The following KLRG1 variants were observed in gnomAD, a reference collection of about 807,000 sequenced individuals.
The protein encoded by KLRG1 is killer cell lectin like receptor G1, also known as killer cell lectin-like receptor subfamily G member 1.
In KLRG1, 16 loss-of-function variants were observed where a neutral mutation model predicts 21.8. The ratio of observed to expected loss-of-function variants is 0.73; its 90% confidence interval spans 0.50 to 1.11. The LOEUF is 1.11. Among genes scored for constraint, KLRG1 ranks in the 50% most tolerant of loss-of-function variants. The pLI is 0.00. For missense variants in KLRG1, 173 were observed against 218.3 expected (o/e 0.79, Z 1.31); for synonymous variants, 69 against 75.9 (o/e 0.91, Z 0.47).
At chr12:8,951,461 C>A (rs771377360) in intron 1 of KLRG1, among the ~76,000 whole-genome samples, 5 of 152,238 alleles carry the variant, frequency 3.3e-5, no homozygotes, top group South Asian at 4.1e-4. Context: ...AGAGTGAGAA[C>A]CTATCTCAAA....
the KLRG1 span, chr12:9,111,675 G>A: frequency 2.6e-6 from 1 of 381,356 alleles, no homozygotes; most frequent in Admixed American, 3.5e-5. Context: ...ATTTGGGAGA[G>A]AAAAATGAAG....
intron 1 of KLRG1, among the ~76,000 whole-genome samples, chr12:8,966,879 T>C (rs1946482083): frequency 6.7e-6 from 1 of 150,106 alleles, no homozygotes; most frequent in African/African-American, 2.4e-5. Flanking sequence ...TAAAGACACA[T>C]GCACACTTAT....
At chr12:8,991,586 A>G (rs961445948) in intron 1 of KLRG1, among the ~76,000 whole-genome samples, 6 of 152,092 alleles carry the variant, frequency 3.9e-5, no homozygotes, top group African/African-American at 1.4e-4. Flanking sequence ...TTGCAGAGAT[A>G]TTTGTATATC....
At chr12:9,200,270 T>C in the KLRG1 span, 1 of 775,444 alleles carries the variant, frequency 1.3e-6, no homozygotes, top group Middle Eastern at 2.7e-4. Flanking sequence ...ATTACAAAAG[T>C]GCTGAGGCAA....
chr12:9,008,903 T>C (rs1378573516), intron 3 of KLRG1, 72 bp from the exon 4 acceptor site: 2 of 962,376 alleles, frequency 2.1e-6, no homozygotes, highest in African/African-American at 3.3e-5. Flanking sequence ...GTATTAGGAA[T>C]CCAATGTGGA....
the KLRG1 span, among the ~76,000 whole-genome samples, chr12:9,184,027 A>G: frequency 6.6e-6 from 1 of 152,240 alleles, no homozygotes; most frequent in Non-Finnish European, 1.5e-5. Context: ...CAACAAGGAA[A>G]GTGGGGTAGA....
At chr12:9,091,165 G>T in the KLRG1 span, 1 of 1,595,142 alleles carries the variant, frequency 6.3e-7, no homozygotes. Flanking sequence ...TTACTTGATG[G>T]CTACCTTGTA....
chr12:8,975,151 C>T (rs1049694879), intron 1 of KLRG1, among the ~76,000 whole-genome samples: 2 of 152,074 alleles, frequency 1.3e-5, no homozygotes, highest in South Asian at 2.1e-4. Flanking sequence ...CTGCCTGCCT[C>T]GGCCTCCCAA....
the KLRG1 span, chr12:9,165,998 GGA>G: frequency 6.5e-7 from 1 of 1,546,380 alleles, no homozygotes; most frequent in South Asian, 1.2e-5. Context: ...TGAAAATGTT[GGA>G]GGAACCACAT....
At chr12:9,180,051 C>G in the KLRG1 span, among the ~76,000 whole-genome samples, 1 of 152,192 alleles carries the variant, frequency 6.6e-6, no homozygotes, top group East Asian at 1.9e-4. Context: ...CTATATGAGA[C>G]AGCTTGAGAA....
At chr12:8,995,334 G>GT (rs1565547959) in intron 3 of KLRG1, 46 bp downstream of exon 3, 14 of 1,540,466 alleles carry the variant, frequency 9.1e-6, no homozygotes, top group African/African-American at 1.4e-5. Context: ...TTTTGTTTTT[G>GT]TTTTTGTTTT....
chr12:9,178,477 C>T, the KLRG1 span, among the ~76,000 whole-genome samples: 2 of 152,006 alleles, frequency 1.3e-5, no homozygotes, highest in African/African-American at 4.8e-5. Flanking sequence ...AAAGAGAAGC[C>T]GTAAAGTGCT....
At chr12:9,127,117 T>C in the KLRG1 span, among the ~76,000 whole-genome samples, 1 of 152,228 alleles carries the variant, frequency 6.6e-6, no homozygotes, top group Admixed American at 6.5e-5. Context: ...TCTTCTCTGC[T>C]ATCTTTCCAA....
At chr12:9,132,178 A>G in the KLRG1 span, among the ~76,000 whole-genome samples, 2 of 152,230 alleles carry the variant, frequency 1.3e-5, no homozygotes, top group Admixed American at 6.5e-5. Context: ...TGAAAGATAA[A>G]ATGGGCCTTG....
At chr12:9,020,290 A>G in the KLRG1 span, among the ~76,000 whole-genome samples, 1 of 152,184 alleles carries the variant, frequency 6.6e-6, no homozygotes. Flanking sequence ...GTAAAATTTG[A>G]TAAGTTTTGA....
At chr12:9,209,873 G>T in the KLRG1 span, among the ~76,000 whole-genome samples, 1 of 152,028 alleles carries the variant, frequency 6.6e-6, no homozygotes, top group East Asian at 1.9e-4. Flanking sequence ...AGACTTATTA[G>T]CATTGATAAT....
the KLRG1 span, chr12:9,066,236 G>A: frequency 6.6e-6 from 1 of 152,382 alleles, no homozygotes; most frequent in Non-Finnish European, 1.5e-5. Flanking sequence ...CCCACAGGGA[G>A]AGAAGAGCTC....
intron 3 of KLRG1, among the ~76,000 whole-genome samples, chr12:8,997,897 C>T (rs937926783): frequency 1.3e-5 from 2 of 152,110 alleles, no homozygotes; most frequent in Middle Eastern, 3.2e-3. Flanking sequence ...AGCAATTCTC[C>T]TGCCTTAGCC....
the KLRG1 span, among the ~76,000 whole-genome samples, chr12:9,140,878 A>G: frequency 0.25 from 38,581 of 152,130 alleles, 5,615 homozygotes; most frequent in Admixed American, 0.33. Context: ...CTTAAAGGAC[A>G]GCACACCTCT....
Sources: allele counts gnomAD v4.1 joint callset (sites outside exome capture counted in the v4.1 genomes callset), GRCh38; gene constraint gnomAD v4.1.1; transcripts MANE v1.5; gene names NCBI Gene and HGNC (gene_info 2026-07-23, HGNC 2026-07-21).